PTPRG: variants seen among roughly 807,000 people sequenced by gnomAD.
PTPRG encodes the protein receptor-type tyrosine-protein phosphatase gamma.
PTPRG carries 102 observed loss-of-function variants against 165.3 expected under a neutral mutation model. The observed-to-expected ratio is 0.62, with a 90% confidence interval of 0.53 to 0.73. The LOEUF is 0.73. Ranked by LOEUF, PTPRG falls within the 30% of genes least tolerant of loss-of-function variation. PTPRG has a pLI of 0.00. For synonymous variants in PTPRG, 675 were observed against 669.5 expected, an observed-to-expected ratio of 1.01 and a Z score of -0.13; for missense variants, 1,866 against 1,861.4, an observed-to-expected ratio of 1.00 and a Z score of -0.05.
At chr3:61,637,917 T>C (rs1575555430) in intron 1 of PTPRG, among the ~76,000 whole-genome samples, 1 of 131,524 alleles carries the variant, frequency 7.6e-6, no homozygotes, top group East Asian at 2.0e-4. Context: ...TGAATTATTA[T>C]TTATTCAGAC....
chr3:61,647,616 C>G (rs574321887), intron 1 of PTPRG, among the ~76,000 whole-genome samples: 1 of 151,916 alleles, frequency 6.6e-6, no homozygotes, highest in South Asian at 2.1e-4. Context: ...CAGTGAAACC[C>G]CGTCTCCACT....
At chr3:62,053,070 A>T (rs974460649) in intron 4 of PTPRG, among the ~76,000 whole-genome samples, 1 of 152,134 alleles carries the variant, frequency 6.6e-6, no homozygotes, top group African/African-American at 2.4e-5. Flanking sequence ...TGTTTGACAA[A>T]AGGAATGTGT....
At chr3:61,567,256 A>G (rs1184406191) in intron 1 of PTPRG, among the ~76,000 whole-genome samples, 1 of 152,156 alleles carries the variant, frequency 6.6e-6, no homozygotes, top group Non-Finnish European at 1.5e-5. Flanking sequence ...GCAGCCACTG[A>G]CGAGGTAGAG....
Position 61,840,782 on chromosome 3 carries a change from GTTTTTT to G in PTPRG, c.190+91814_190+91819del, listed in dbSNP as rs149041037. Among the ~76,000 whole-genome samples the G allele has an allele frequency of 5.3e-3, 639 of 120,094 alleles. 4 individuals carry two copies. The highest frequency in any genetic ancestry group is 7.2e-3 in the Non-Finnish European group (424 of 59,032). 78.8% of individuals were successfully genotyped at this position (120,094 alleles called of 152,430 possible). On this transcript the variant is annotated intron_variant, in intron 2 of 29. Coordinates refer to ENST00000474889, the MANE Select transcript of PTPRG (RefSeq NM_002841.4). ...CAGATGGAGTTTTTTTTGTTTGTTT[GTTTTTT>G]TTTTTTTTTTTTTGAGATGAGGTCT...
chr3:62,274,292 C>T (rs1024293359), intron 23 of PTPRG, among the ~76,000 whole-genome samples: 4 of 152,070 alleles, frequency 2.6e-5, no homozygotes, highest in Admixed American at 2.0e-4. Flanking sequence ...CTAAACAATA[C>T]TAGAGAAAAG....
rs757115800 is a variant in PTPRG, at chr3:62,003,448, G to T, written c.470G>T (p.Gly157Val). The stretch of plus-strand genomic sequence containing the variant: ...GAATTTCACTGGGGCCACAGCAATG[G>T]CTCAGCGGGCTCTGAACACAGCATC... ...KVEFHWGHSN[G>V]SAGSEHSING... Residue 157 changes from glycine (G) to valine (V), a missense_variant, in exon 4 of 30, where the codon GGC becomes GTC. Gly to Val is a moderately radical substitution (Grantham distance 109, BLOSUM62 -3). This residue lies in a region of PTPRG where 408 missense variants were observed against 376.2 expected (regional missense o/e 1.08). Coordinates refer to ENST00000474889, the MANE Select transcript of PTPRG (RefSeq NM_002841.4). 17 of 1,613,862 alleles carry T rather than the reference G, an allele frequency of 1.1e-5. No homozygotes were observed. Among genetic ancestry groups the T allele is most frequent in the African/African-American group, 1.3e-5 (1 of 74,886 alleles).
At chr3:61,769,294 G>A (rs1388995260) in intron 2 of PTPRG, 2 of 152,022 alleles carry the variant, frequency 1.3e-5, no homozygotes, top group African/African-American at 4.8e-5. Context: ...TTCCATATAG[G>A]GTTTTACTCT....
chr3:61,976,927 T>C (rs1012756472), intron 2 of PTPRG, among the ~76,000 whole-genome samples: 5 of 152,114 alleles, frequency 3.3e-5, no homozygotes, highest in African/African-American at 9.7e-5. Flanking sequence ...TGCCATGCCT[T>C]GGCCTCCCAA....
rs1413854940 is a variant in PTPRG at position 62,085,406 on chromosome 3, A to G, written c.615+7148A>G. On this transcript the variant is annotated intron_variant, in intron 5 of 29. Transcript: ENST00000474889. ...TGGATCAAACATGTTAAAGGGATGC[A>G]TCTCCATTCTATAGTGCGTTCAGAG... Among the ~76,000 whole-genome samples, 12 of 152,186 alleles carry G rather than the reference A, an allele frequency of 7.9e-5. No homozygotes were observed. In the South Asian group the frequency reaches 2.3e-3, roughly 29 times the overall value.
intron 5 of PTPRG, among the ~76,000 whole-genome samples, chr3:62,114,067 G>A (rs1379931689): frequency 6.6e-6 from 1 of 152,218 alleles, no homozygotes; most frequent in African/African-American, 2.4e-5. Flanking sequence ...GGGAGGCCAA[G>A]GTGGGCAGAT....
chr3:61,823,910 A>G (rs2036030298), intron 2 of PTPRG, among the ~76,000 whole-genome samples: 1 of 152,014 alleles, frequency 6.6e-6, no homozygotes, highest in Non-Finnish European at 1.5e-5. Context: ...GCAGATCACA[A>G]GGTCAGGAGA....
intron 2 of PTPRG, among the ~76,000 whole-genome samples, chr3:61,900,473 G>C (rs2038468959): frequency 6.6e-6 from 1 of 152,150 alleles, no homozygotes; most frequent in Non-Finnish European, 1.5e-5. Flanking sequence ...CTGCAGAGTT[G>C]GCAAAGACTC....
intron 1 of PTPRG, among the ~76,000 whole-genome samples, chr3:61,643,554 G>A (rs1323180734): frequency 6.6e-6 from 1 of 152,122 alleles, no homozygotes; most frequent in Non-Finnish European, 1.5e-5. Flanking sequence ...CCGAGGCGGT[G>A]AATCACTTGA....
rs560049095 is a variant in PTPRG at position 62,255,404 on chromosome 3, T to C, written c.2559+189T>C. ...AAAATTTAGGTGAAAGGGGAGTTGATTGTACCTGTCCTGAATATGTATTTC... is the reference window on the plus strand; with the variant it reads ...AAAATTTAGGTGAAAGGGGAGTTGACTGTACCTGTCCTGAATATGTATTTC... On this transcript the variant is annotated intron_variant, in intron 16 of 29. Transcript: ENST00000474889. The surrounding 1 kb of genome is among the most constrained non-coding windows in gnomAD (Gnocchi z 4.0). 6.1e-4 allele frequency among the ~76,000 whole-genome samples: 92 copies of C among 151,982 alleles called. No homozygotes were observed. The highest frequency in any genetic ancestry group is 2.0e-3 in the African/African-American group (82 of 41,238).
intron 1 of PTPRG, among the ~76,000 whole-genome samples, chr3:61,629,449 C>T (rs1037794394): frequency 3.3e-5 from 5 of 152,158 alleles, no homozygotes; most frequent in African/African-American, 1.2e-4. Context: ...CCACTGTACC[C>T]GGCCCCTGAG....
chr3:61,830,174 T>G (rs1227382136), intron 2 of PTPRG, among the ~76,000 whole-genome samples: 1 of 152,228 alleles, frequency 6.6e-6, no homozygotes, highest in Non-Finnish European at 1.5e-5. Context: ...TGTGATGTCA[T>G]GTGGCATAAC....
At chr3:61,927,327 G>A (rs527574651) in intron 2 of PTPRG, among the ~76,000 whole-genome samples, 1 of 152,320 alleles carries the variant, frequency 6.6e-6, no homozygotes, top group Admixed American at 6.5e-5. Flanking sequence ...ACAGCTCTGT[G>A]CTTGCAGTCT....
At chr3:61,813,593 T>TG (rs2035661281) in intron 2 of PTPRG, among the ~76,000 whole-genome samples, 5 of 82,120 alleles carry the variant, frequency 6.1e-5, no homozygotes, top group Non-Finnish European at 1.4e-4. Flanking sequence ...GTGTGTGTGT[T>TG]TAGTTGTACT....
chr3:61,748,801 A>G (rs546581363), intron 1 of PTPRG, 77 bp from the exon 2 acceptor site: 27 of 1,162,060 alleles, frequency 2.3e-5, no homozygotes, highest in South Asian at 7.6e-5. Flanking sequence ...AAGTCACCCA[A>G]TGGTGTTCAT....
Sources: gnomAD v4.1 joint callset for allele counts (sites outside exome capture counted in the v4.1 genomes callset) on GRCh38, gnomAD v4.1.1 for gene constraint, gnomAD v4.1.1 regional missense constraint, Gnocchi (gnomAD v3.1) non-coding constraint, MANE v1.5 for transcripts, NCBI Gene and HGNC (gene_info 2026-07-23, HGNC 2026-07-21) for gene names.